Variants in KLF8 observed in about 807,000 individuals in gnomAD.
KLF8 encodes Krueppel-like factor 8.
In KLF8, 10 loss-of-function variants were observed where a neutral mutation model predicts 18.2. That is an observed-to-expected ratio of 0.55 (90% CI 0.34 to 0.93). KLF8 has a LOEUF of 0.93. Ranked by LOEUF, KLF8 falls within the 40% of genes least tolerant of loss-of-function variation. The probability of loss-of-function intolerance (pLI) is 0.02; values close to 1 mark genes in which losing one functional copy is unlikely to be tolerated. For synonymous variants in KLF8, 109 were observed against 97.3 expected (o/e 1.12, Z -0.71); for missense variants, 264 against 277.9 (o/e 0.95, Z 0.36).
At chrX:55,989,768 A>G in the KLF8 span, among the ~76,000 whole-genome samples, 1 of 111,984 alleles carries the variant, frequency 8.9e-6, no homozygotes, top group Non-Finnish European at 1.9e-5. Context: ...GAATAGTTTC[A>G]GAAGGAATGG....
chrX:55,959,549 G>C, the KLF8 span, among the ~76,000 whole-genome samples: 40 of 112,019 alleles, frequency 3.6e-4, no homozygotes, highest in African/African-American at 1.2e-3. Context: ...GCTATTTTAA[G>C]AAAGAACCAA....
the KLF8 span, among the ~76,000 whole-genome samples, chrX:56,072,966 A>G: frequency 9.6e-6 from 1 of 104,460 alleles, no homozygotes; most frequent in Non-Finnish European, 2.0e-5. Context: ...TTACATTTGC[A>G]TCTGGCTTAT....
At chrX:56,050,234 AT>A in the KLF8 span, among the ~76,000 whole-genome samples, 10 of 111,197 alleles carry the variant, frequency 9.0e-5, no homozygotes, top group Admixed American at 1.9e-4. Flanking sequence ...GGATTCATTA[AT>A]TTTTTTAAGG....
At chrX:56,269,525 ATGTG>A (rs35519867) in intron 4 of KLF8, 36 bp downstream of exon 4, 83,088 of 723,950 alleles carry the variant, frequency 0.11, 4,942 homozygotes, top group African/African-American at 0.53. Flanking sequence ...GTCTTTGTGT[ATGTG>A]TGTGTGTGTG....
chrX:56,179,929 A>C, the KLF8 span, among the ~76,000 whole-genome samples: 11 of 111,800 alleles, frequency 9.8e-5, no homozygotes, highest in African/African-American at 2.9e-4. Flanking sequence ...AATGTTCCTC[A>C]GGGATGTTTT....
the KLF8 span, among the ~76,000 whole-genome samples, chrX:56,033,918 C>G: frequency 2.7e-5 from 3 of 112,318 alleles, no homozygotes; most frequent in Admixed American, 9.4e-5. Context: ...GAATACCTTA[C>G]ATATTGAATA....
the KLF8 span, among the ~76,000 whole-genome samples, chrX:55,965,509 AC>A: frequency 8.9e-6 from 1 of 111,737 alleles, no homozygotes; most frequent in Non-Finnish European, 1.9e-5. Flanking sequence ...ACTTCTATTC[AC>A]CATAATACTG....
chrX:56,257,535 C>T (rs953354713), intron 2 of KLF8, among the ~76,000 whole-genome samples: 2 of 111,226 alleles, frequency 1.8e-5, no homozygotes, highest in African/African-American at 6.6e-5. Context: ...TCTAGTAGTA[C>T]CCAGTGTCTA....
At chrX:56,051,450 G>T in the KLF8 span, among the ~76,000 whole-genome samples, 13 of 110,519 alleles carry the variant, frequency 1.2e-4, no homozygotes, top group Non-Finnish European at 2.3e-4. Flanking sequence ...AGGAGCTCTT[G>T]TAAGGCAGGC....
the KLF8 span, among the ~76,000 whole-genome samples, chrX:55,944,357 G>T: frequency 9.1e-6 from 1 of 110,468 alleles, no homozygotes; most frequent in East Asian, 2.8e-4. Flanking sequence ...AAATGAGTTA[G>T]GGAGGATTCC....
At chrX:55,964,288 A>G in the KLF8 span, among the ~76,000 whole-genome samples, 3 of 112,399 alleles carry the variant, frequency 2.7e-5, no homozygotes, top group Admixed American at 2.8e-4. Context: ...AATGAAATTG[A>G]GATGCAAAAA....
At chrX:56,044,436 C>T in the KLF8 span, among the ~76,000 whole-genome samples, 1 of 112,386 alleles carries the variant, frequency 8.9e-6, no homozygotes. Flanking sequence ...GAGATGTCAG[C>T]TTATCATCCC....
the KLF8 span, among the ~76,000 whole-genome samples, chrX:55,979,054 T>C: frequency 9.7e-6 from 1 of 102,988 alleles, no homozygotes. Context: ...GTTCAAGAAC[T>C]TGTAATCAGT....
At chrX:56,222,119 A>C in the KLF8 span, among the ~76,000 whole-genome samples, 2 of 111,015 alleles carry the variant, frequency 1.8e-5, no homozygotes, top group Non-Finnish European at 3.8e-5. Context: ...GTGATTACAA[A>C]CCTTGAGCTA....
the KLF8 span, among the ~76,000 whole-genome samples, chrX:56,006,382 A>G: frequency 1.8e-5 from 2 of 111,623 alleles, no homozygotes; most frequent in East Asian, 2.8e-4. Flanking sequence ...AGCTCTGTAC[A>G]TGGTTTCTAT....
chrX:55,938,450 G>A, the KLF8 span, among the ~76,000 whole-genome samples: 1 of 111,679 alleles, frequency 9.0e-6, no homozygotes, highest in Admixed American at 9.5e-5. Context: ...TCAAGGCTAG[G>A]AAGAAACGGC....
chrX:56,162,204 A>T, the KLF8 span, among the ~76,000 whole-genome samples: 1 of 111,651 alleles, frequency 9.0e-6, no homozygotes, highest in African/African-American at 3.3e-5. Context: ...CCCAGTTAGG[A>T]TACTTGGGGG....
chrX:56,035,002 G>A, the KLF8 span, among the ~76,000 whole-genome samples: 15 of 109,971 alleles, frequency 1.4e-4, no homozygotes, highest in African/African-American at 3.3e-4. Flanking sequence ...TGATCCGCCC[G>A]CCTCGGCCTC....
At chrX:56,154,134 A>C in the KLF8 span, among the ~76,000 whole-genome samples, 4 of 111,481 alleles carry the variant, frequency 3.6e-5, no homozygotes, top group Non-Finnish European at 7.5e-5. Flanking sequence ...GTCAATCCTA[A>C]GCCAAAAGAA....
Sources: gnomAD v4.1 joint callset for allele counts (sites outside exome capture counted in the v4.1 genomes callset) on GRCh38, gnomAD v4.1.1 for gene constraint, MANE v1.5 for transcripts, NCBI Gene and HGNC (gene_info 2026-07-23, HGNC 2026-07-21) for gene names.